MAML2: variants seen among roughly 807,000 people sequenced by gnomAD.
MAML2 encodes mastermind like transcriptional coactivator 2.
In MAML2, 22 loss-of-function variants were observed where a neutral mutation model predicts 96.1. The observed-to-expected ratio is 0.23, with a 90% CI of 0.16 to 0.33. MAML2 has a LOEUF of 0.33. Ranked by LOEUF, MAML2 falls within the 10% of genes least tolerant of loss-of-function variation. The pLI is 1.00. For synonymous variants in MAML2, 561 were observed against 521.3 expected, an observed-to-expected ratio of 1.08 and a Z score of -1.04; for missense variants, 1,367 against 1,392.4, an observed-to-expected ratio of 0.98 and a Z score of 0.29.
At chr11:96,310,170 G>A (rs1863518418) in intron 1 of MAML2, among the ~76,000 whole-genome samples, 1 of 152,004 alleles carries the variant, frequency 6.6e-6, no homozygotes. Flanking sequence ...ACTGAGAACT[G>A]ATATGCAAAG....
At chr11:96,253,943 G>A (rs952186664) in intron 1 of MAML2, among the ~76,000 whole-genome samples, 1 of 152,122 alleles carries the variant, frequency 6.6e-6, no homozygotes, top group Non-Finnish European at 1.5e-5. Flanking sequence ...TCTCATTATG[G>A]CACTATCAGA....
intron 1 of MAML2, among the ~76,000 whole-genome samples, chr11:96,170,016 T>A (rs888045123): frequency 5.3e-5 from 8 of 152,374 alleles, no homozygotes; most frequent in Non-Finnish European, 8.8e-5. Flanking sequence ...TGAGTTATTT[T>A]GCTGTACATT....
chr11:96,226,313 C>G (rs1044129667), intron 1 of MAML2, among the ~76,000 whole-genome samples: 1 of 152,192 alleles, frequency 6.6e-6, no homozygotes, highest in African/African-American at 2.4e-5. Flanking sequence ...CAGCTTCAGG[C>G]TTTGAAACTA....
intron 1 of MAML2, among the ~76,000 whole-genome samples, chr11:96,298,736 T>TTTTA (rs1565277006): frequency 6.9e-6 from 1 of 145,420 alleles, no homozygotes; most frequent in East Asian, 2.0e-4. Flanking sequence ...ATACATAATA[T>TTTTA]TATATATATA....
chr11:96,223,584 T>G (rs896911334), intron 1 of MAML2, among the ~76,000 whole-genome samples: 2 of 152,024 alleles, frequency 1.3e-5, no homozygotes, highest in Non-Finnish European at 2.9e-5. Flanking sequence ...TTTTTTTAAC[T>G]TTTATTTTAG....
At chr11:96,015,705 A>T (rs1243363622) in intron 2 of MAML2, among the ~76,000 whole-genome samples, 3 of 151,982 alleles carry the variant, frequency 2.0e-5, no homozygotes, top group African/African-American at 7.2e-5. Context: ...AATTGTCTGC[A>T]GGCTTTATGG....
At chr11:96,236,546 A>T (rs1862369859) in intron 1 of MAML2, among the ~76,000 whole-genome samples, 1 of 152,190 alleles carries the variant, frequency 6.6e-6, no homozygotes, top group Admixed American at 6.5e-5. Flanking sequence ...TCTCCATAGT[A>T]GGAGACTTTG....
chr11:96,092,052 T>A lies in MAML2; in HGVS notation c.1979A>T (p.Gln660Leu). 6.4e-7 allele frequency: 1 copy of A among 1,554,260 alleles called. No homozygotes were observed. The change falls in exon 2 of 5, where the codon CAG becomes CTG. Residue 660 changes from glutamine (Q) to leucine (L), a missense_variant. By Grantham distance (113) the Gln-to-Leu change is moderately radical. Coordinates refer to ENST00000524717, the MANE Select transcript of MAML2 (RefSeq NM_032427.4). The surrounding 1 kb of genome is among the most constrained non-coding windows in gnomAD (Gnocchi z 4.1). ...QQQQQQQQQQ[Q>L]QQQQQPSSQP... ...AGAAGATGGTTGTTGCTGCTGCTGC[T>A]GCTGCTGTTGTTGCTGTTGTTGTTG...
At chr11:96,195,864 T>C (rs573172119) in intron 1 of MAML2, among the ~76,000 whole-genome samples, 1 of 152,318 alleles carries the variant, frequency 6.6e-6, no homozygotes, top group Admixed American at 6.5e-5. Flanking sequence ...CATTTTTTCC[T>C]CTCGTGCTGA....
chr11:96,004,801 T>G (rs1023865080), intron 2 of MAML2, among the ~76,000 whole-genome samples: 1 of 152,206 alleles, frequency 6.6e-6, no homozygotes, highest in Non-Finnish European at 1.5e-5. Context: ...AAATAAAATA[T>G]GTGACACAGT....
At chr11:96,278,116 C>A (rs1171001755) in intron 1 of MAML2, among the ~76,000 whole-genome samples, 2 of 152,128 alleles carry the variant, frequency 1.3e-5, no homozygotes, top group African/African-American at 4.8e-5. Context: ...TTGAGAACCA[C>A]TGCCTGGGGA....
chr11:96,195,842 G>A (rs1861721710), intron 1 of MAML2, among the ~76,000 whole-genome samples: 1 of 152,150 alleles, frequency 6.6e-6, no homozygotes, highest in Non-Finnish European at 1.5e-5. Flanking sequence ...TAGCAAAAAC[G>A]ACATGTTCCA....
At chr11:96,287,602 G>T (rs1316069959) in intron 1 of MAML2, among the ~76,000 whole-genome samples, 1 of 152,134 alleles carries the variant, frequency 6.6e-6, no homozygotes, top group East Asian at 1.9e-4. Flanking sequence ...AAAAAATTAA[G>T]AGTAGAATTG....
intron 1 of MAML2, among the ~76,000 whole-genome samples, chr11:96,133,355 AT>A (rs922283758): frequency 5.9e-5 from 9 of 152,104 alleles, no homozygotes; most frequent in Non-Finnish European, 1.0e-4. Flanking sequence ...TTTTCTTATC[AT>A]TTTTTATTAG....
At chr11:96,213,890 A>C (rs1480548362) in intron 1 of MAML2, among the ~76,000 whole-genome samples, 4 of 152,228 alleles carry the variant, frequency 2.6e-5, no homozygotes, top group Non-Finnish European at 5.9e-5. Context: ...GTAAGATGTG[A>C]AATACTTGGC....
intron 1 of MAML2, among the ~76,000 whole-genome samples, chr11:96,153,422 A>G (rs991688809): frequency 2.0e-5 from 3 of 152,178 alleles, no homozygotes; most frequent in African/African-American, 7.2e-5. Flanking sequence ...CATTCTGCCT[A>G]TTGAATCTTG....
chr11:96,172,005 T>C (rs1475069252), intron 1 of MAML2, among the ~76,000 whole-genome samples: 10 of 152,338 alleles, frequency 6.6e-5, no homozygotes, highest in Admixed American at 4.6e-4. Flanking sequence ...TCCAACAATA[T>C]TGTCCCACAG....
intron 1 of MAML2, among the ~76,000 whole-genome samples, chr11:96,129,727 G>C (rs956626566): frequency 6.6e-6 from 1 of 152,122 alleles, no homozygotes; most frequent in African/African-American, 2.4e-5. Flanking sequence ...CCAACATCCA[G>C]ATAGTGAACA....
At chr11:96,226,855 T>C (rs539407724) in intron 1 of MAML2, among the ~76,000 whole-genome samples, 1 of 152,330 alleles carries the variant, frequency 6.6e-6, no homozygotes, top group East Asian at 1.9e-4. Flanking sequence ...GTAGCCCTTA[T>C]TCCCCTAAAA....
Sources: gnomAD v4.1 joint callset for allele counts (sites outside exome capture counted in the v4.1 genomes callset) on GRCh38, gnomAD v4.1.1 for gene constraint, Gnocchi (gnomAD v3.1) non-coding constraint, MANE v1.5 for transcripts, NCBI Gene and HGNC (gene_info 2026-07-23, HGNC 2026-07-21) for gene names.